Variants in SCLT1 observed in about 807,000 individuals in gnomAD.
SCLT1 encodes the protein sodium channel-associated protein 1.
SCLT1 carries 78 observed loss-of-function variants against 112.8 expected under a neutral mutation model. The observed-to-expected ratio is 0.69, with a 90% CI of 0.58 to 0.83. SCLT1 has a LOEUF of 0.83. Among genes scored for constraint, SCLT1 ranks in the 40% least tolerant of loss-of-function variants. The pLI, the probability that SCLT1 is intolerant of heterozygous loss-of-function variation, is 0.00. For synonymous variants in SCLT1, 257 were observed against 254.7 expected (o/e 1.01, Z -0.09); for missense variants, 747 against 770.4 (o/e 0.97, Z 0.36).
At chr4:129,018,134 G>A (rs893905892) in intron 5 of SCLT1, among the ~76,000 whole-genome samples, 2 of 152,264 alleles carry the variant, frequency 1.3e-5, no homozygotes, top group African/African-American at 4.8e-5. Flanking sequence ...ACGCTTCTTA[G>A]ATTCTTAGCC....
At chr4:129,053,374 G>C (rs1228386665) in intron 2 of SCLT1, among the ~76,000 whole-genome samples, 1 of 151,966 alleles carries the variant, frequency 6.6e-6, no homozygotes, top group Non-Finnish European at 1.5e-5. Context: ...AAGTCTCTTT[G>C]TAAGTCTCTA....
chr4:129,085,987 C>T (rs1730767114), intron 1 of SCLT1, among the ~76,000 whole-genome samples: 1 of 152,014 alleles, frequency 6.6e-6, no homozygotes, highest in Non-Finnish European at 1.5e-5. Context: ...CAAACCTGCA[C>T]ATGTACCCCT....
chr4:129,075,507 G>GA (rs747412042), intron 2 of SCLT1, among the ~76,000 whole-genome samples: 1 of 152,084 alleles, frequency 6.6e-6, no homozygotes, highest in Non-Finnish European at 1.5e-5. Flanking sequence ...CTCATCAATA[G>GA]AGAGTCCAGA....
intron 1 of SCLT1, among the ~76,000 whole-genome samples, chr4:129,085,094 T>C (rs1294655018): frequency 2.6e-5 from 4 of 152,124 alleles, no homozygotes; most frequent in Non-Finnish European, 4.4e-5. Flanking sequence ...TGCTGCAAAG[T>C]GGGAGAAAAT....
intron 18 of SCLT1, among the ~76,000 whole-genome samples, chr4:128,933,560 C>T (rs1034452396): frequency 2.6e-5 from 4 of 152,044 alleles, no homozygotes; most frequent in Non-Finnish European, 5.9e-5. Context: ...CTTGTACTCT[C>T]CTGTCCCAAA....
chr4:129,059,156 C>T (rs1404128496), intron 2 of SCLT1, among the ~76,000 whole-genome samples: 6 of 152,016 alleles, frequency 3.9e-5, no homozygotes. Context: ...CTTCTCTTTC[C>T]ATCCATATGT....
intron 17 of SCLT1, among the ~76,000 whole-genome samples, chr4:128,940,079 C>T (rs920317624): frequency 2.0e-5 from 3 of 151,856 alleles, no homozygotes; most frequent in African/African-American, 4.8e-5. Context: ...CTTTTGTTGT[C>T]CATAACATCA....
At chr4:129,031,386 C>G (rs922334672) in intron 5 of SCLT1, among the ~76,000 whole-genome samples, 11 of 152,082 alleles carry the variant, frequency 7.2e-5, no homozygotes, top group Admixed American at 6.5e-5. Context: ...AAAGCGTTCC[C>G]TTAGAAAACT....
intron 5 of SCLT1, among the ~76,000 whole-genome samples, chr4:129,017,081 C>T (rs1425213658): frequency 6.6e-6 from 1 of 151,952 alleles, no homozygotes; most frequent in African/African-American, 2.4e-5. Context: ...TTTTAGTTGT[C>T]AATTCATTTT....
intron 2 of SCLT1, among the ~76,000 whole-genome samples, chr4:129,063,048 T>C (rs562257021): frequency 2.0e-5 from 3 of 152,362 alleles, no homozygotes; most frequent in African/African-American, 7.2e-5. Flanking sequence ...CTCATAAATA[T>C]CTTAAGCTTT....
intron 18 of SCLT1, among the ~76,000 whole-genome samples, chr4:128,925,934 T>A (rs1031320603): frequency 6.6e-6 from 1 of 151,988 alleles, no homozygotes; most frequent in Non-Finnish European, 1.5e-5. Context: ...TCTCTCCTTA[T>A]CATCTTCATG....
chr4:129,015,037 G>A (rs1744867563), intron 5 of SCLT1, among the ~76,000 whole-genome samples: 1 of 152,066 alleles, frequency 6.6e-6, no homozygotes, highest in African/African-American at 2.4e-5. Context: ...GCTGTTCTCT[G>A]AGCCTAGTTT....
chr4:129,003,450 A>G (rs1019447182), intron 6 of SCLT1, among the ~76,000 whole-genome samples: 2 of 151,566 alleles, frequency 1.3e-5, no homozygotes, highest in Non-Finnish European at 2.9e-5. Context: ...AAAAAAAAGA[A>G]AAAGAAAAAA....
At chr4:128,990,392 T>A (rs1421800026) in intron 9 of SCLT1, among the ~76,000 whole-genome samples, 4 of 151,850 alleles carry the variant, frequency 2.6e-5, no homozygotes, top group African/African-American at 4.8e-5. Flanking sequence ...ATTCAACATC[T>A]CTTTGTGATA....
chr4:128,937,332 A>G (rs1198886262), intron 17 of SCLT1, among the ~76,000 whole-genome samples: 1 of 152,044 alleles, frequency 6.6e-6, no homozygotes, highest in African/African-American at 2.4e-5. Flanking sequence ...ATTGGTCTTC[A>G]TTACAAACGA....
Position 128,915,620 on chromosome 4 carries a change from C to CA in SCLT1, c.1829+21034dup, listed in dbSNP as rs200842215. ...ATGTTTTAAAAGTTCAAATGCATTT[C>CA]AAAAAGCTGAAATTCTACTTTGACC... On this transcript the variant is annotated intron_variant, in intron 18 of 20. Transcript: ENST00000281142. 1.5e-3 allele frequency among the ~76,000 whole-genome samples: 235 copies of CA among 152,214 alleles called. 2 individuals are homozygous for CA. Among genetic ancestry groups the CA allele is most frequent in the East Asian group, 0.014 (70 of 5,176 alleles).
At chr4:128,938,289 A>G (rs1402859450) in intron 17 of SCLT1, among the ~76,000 whole-genome samples, 15 of 152,186 alleles carry the variant, frequency 9.9e-5, no homozygotes, top group Non-Finnish European at 4.4e-5. Context: ...AAGGCCCAAC[A>G]ACAACAAAAT....
intron 5 of SCLT1, among the ~76,000 whole-genome samples, chr4:129,015,599 C>T (rs1199362759): frequency 6.6e-6 from 1 of 152,136 alleles, no homozygotes; most frequent in Non-Finnish European, 1.5e-5. Context: ...ACATATGCTC[C>T]TGCACCAAAC....
At chr4:128,961,593 C>T (rs11934740) in intron 11 of SCLT1, among the ~76,000 whole-genome samples, 51,309 of 151,780 alleles carry the variant, frequency 0.34, 11,193 homozygotes, top group African/African-American at 0.62. Context: ...ACATCAAAAC[C>T]CTCTTCCTGT....
Sources: allele counts gnomAD v4.1 joint callset (sites outside exome capture counted in the v4.1 genomes callset), GRCh38; gene constraint gnomAD v4.1.1; transcripts MANE v1.5; gene names NCBI Gene and HGNC (gene_info 2026-07-23, HGNC 2026-07-21).